The following MAP3K4 variants were observed in gnomAD, a reference collection of about 807,000 sequenced individuals.
MAP3K4 encodes mitogen-activated protein kinase kinase kinase 4.
In MAP3K4, 67 loss-of-function variants were observed where a neutral mutation model predicts 185.6. That is an observed-to-expected ratio of 0.36 (90% CI 0.30 to 0.44). The LOEUF (loss-of-function observed/expected upper bound fraction) is 0.44. Ranked by LOEUF, MAP3K4 falls within the 20% of genes least tolerant of loss-of-function variation. The probability of loss-of-function intolerance (pLI) is 1.00; values close to 1 mark genes in which losing one functional copy is unlikely to be tolerated. For synonymous variants in MAP3K4, 702 were observed against 710.4 expected, an observed-to-expected ratio of 0.99 and a Z score of 0.19; for missense variants, 1,551 against 1,995.1, an observed-to-expected ratio of 0.78 and a Z score of 4.24.
Position 161,116,051 on chromosome 6 carries a change from CA to C in MAP3K4, c.4806+750del, listed in dbSNP as rs749926820. 9.2e-4 allele frequency among the ~76,000 whole-genome samples: 140 copies of C among 152,226 alleles called. No homozygotes were observed. Among genetic ancestry groups the C allele is most frequent in the Non-Finnish European group, 9.1e-4 (62 of 68,014 alleles). ...GGAGAGGGCGTTCCGGGTGAGTGAA[CA>C]GCGGCATTTAAGAGTTAGAGTGCCG... On this transcript the variant is annotated intron_variant, in intron 26 of 26. Transcript: ENST00000392142. The surrounding 1 kb of genome is among the most constrained non-coding windows in gnomAD (Gnocchi z 6.2).
rs2114854993 is a variant in MAP3K4 at position 161,086,786 on chromosome 6, C to T, written c.2556+119C>T. ...ATTACAGGCTCTGAAGGCTGTACCA[C>T]AACCCCAGTTGTAAGACTGTCCTGT... is the stretch of plus-strand genomic sequence containing the variant. On this transcript the variant is annotated intron_variant, in intron 9 of 26. Transcript: ENST00000392142. The surrounding 1 kb of genome is among the most constrained non-coding windows in gnomAD (Gnocchi z 4.8). 1.4e-6 allele frequency: 1 copy of T among 706,338 alleles called. No homozygotes were observed. Among genetic ancestry groups the T allele is most frequent in the Admixed American group, 2.9e-5 (1 of 33,996 alleles). The allele number at this position is 706,338 out of a possible 1,614,324, so 43.8% of individuals were successfully genotyped here.
rs1249680820 is a variant in MAP3K4, at chr6:161,002,100, T to G, written c.152+10017T>G. On this transcript the variant is annotated intron_variant, in intron 1 of 26. Coordinates refer to ENST00000392142, the MANE Select transcript of MAP3K4 (RefSeq NM_005922.4). ...TCTAGCTTTTCCAGATTCTCTCTCT[T>G]ACTTTAGTTGTGGTTTATTCTGCAT... Among the ~76,000 whole-genome samples, 5 of 151,038 alleles carry G rather than the reference T, an allele frequency of 3.3e-5. No individual in the cohort carries two copies. In the South Asian group the frequency reaches 6.3e-4, roughly 19 times the overall value.
rs1288581506 is a variant in MAP3K4 at position 161,063,351 on chromosome 6, A to G, written c.1708-7257A>G. 3.9e-5 allele frequency among the ~76,000 whole-genome samples: 6 copies of G among 152,088 alleles called. No homozygotes were observed. Among genetic ancestry groups the G allele is most frequent in the Non-Finnish European group, 8.8e-5 (6 of 68,026 alleles). ...GCAAGCGCTCACTGTCTGGAGGGTTATTCTCCTTTTTCTCTCTCTGCTTAT... is the reference window on the plus strand; with the variant it reads ...GCAAGCGCTCACTGTCTGGAGGGTTGTTCTCCTTTTTCTCTCTCTGCTTAT... On this transcript the variant is annotated intron_variant, in intron 3 of 26. Transcript: ENST00000392142. The surrounding 1 kb of genome is among the most constrained non-coding windows in gnomAD (Gnocchi z 5.4).
At chr6:161,015,920 G>A (rs1782083438) in intron 1 of MAP3K4, among the ~76,000 whole-genome samples, 1 of 152,100 alleles carries the variant, frequency 6.6e-6, no homozygotes, top group African/African-American at 2.4e-5. Flanking sequence ...ATAGCAGTGG[G>A]AGTACTACAT....
intron 1 of MAP3K4, among the ~76,000 whole-genome samples, chr6:161,013,833 G>A (rs1781961322): frequency 6.6e-6 from 1 of 152,208 alleles, no homozygotes; most frequent in South Asian, 2.1e-4. Context: ...GGTAGTAACT[G>A]CTGGGTCATT....
At position 161,106,420 on chromosome 6, in the gene MAP3K4, C is replaced by A; in HGVS notation, c.3857-94C>A. The A allele has an allele frequency of 1.2e-6, 1 of 822,932 alleles. No homozygotes were observed. The highest frequency in any genetic ancestry group is 1.9e-6 in the Non-Finnish European group (1 of 523,974). 51.0% of individuals were successfully genotyped at this position (822,932 alleles called of 1,614,324 possible). On this transcript the variant is annotated intron_variant, in intron 19 of 26. Coordinates refer to ENST00000392142, the MANE Select transcript of MAP3K4 (RefSeq NM_005922.4). This position sits in a 1 kb window ranked among gnomAD's most constrained non-coding sequence, Gnocchi z 4.9. ...TAATAAGCTTTGCTGTAATGGAGTG[C>A]TAATATATATTGCTCTATTTTTATT...
chr6:161,012,166 C>T (rs976388445), intron 1 of MAP3K4, among the ~76,000 whole-genome samples: 4 of 152,164 alleles, frequency 2.6e-5, no homozygotes, highest in African/African-American at 7.2e-5. Flanking sequence ...GAAATCCAGG[C>T]CCAATAGTCC....
chr6:161,069,308 T>C (rs1049130814), intron 3 of MAP3K4, among the ~76,000 whole-genome samples: 1 of 152,208 alleles, frequency 6.6e-6, no homozygotes, highest in African/African-American at 2.4e-5. Context: ...TTTAGTGGCA[T>C]GCTGTTGGGG....
intron 6 of MAP3K4, among the ~76,000 whole-genome samples, chr6:161,083,507 C>T (rs182592232): frequency 9.2e-5 from 14 of 152,326 alleles, no homozygotes; most frequent in African/African-American, 1.7e-4. Context: ...GCTTATCAAA[C>T]GCCAAACTAA....
chr6:161,021,082 TA>T (rs1278385343), intron 1 of MAP3K4, among the ~76,000 whole-genome samples: 1 of 152,374 alleles, frequency 6.6e-6, no homozygotes, highest in Non-Finnish European at 1.5e-5. Context: ...AAGAAAGTTA[TA>T]GTTTTCATGA....
chr6:161,014,117 T>C (rs111453715), intron 1 of MAP3K4, among the ~76,000 whole-genome samples: 25 of 152,364 alleles, frequency 1.6e-4, no homozygotes, highest in African/African-American at 5.8e-4. Context: ...GTCATTAACA[T>C]GACTTTTGTA....
chr6:161,097,259 G>T lies in MAP3K4; in HGVS notation c.3524+83G>T. ...ATACTTTTGAAACTACTAGATGCTT[G>T]CTCTGAGAGCTAAATACCTTTTCTG... On this transcript the variant is annotated intron_variant, in intron 16 of 26. Transcript: ENST00000392142. The surrounding 1 kb of genome is among the most constrained non-coding windows in gnomAD (Gnocchi z 4.9). 1 of 1,112,192 alleles carries T rather than the reference G, an allele frequency of 9.0e-7. No individual in the cohort carries two copies. The highest frequency in any genetic ancestry group is 1.4e-6 in the Non-Finnish European group (1 of 737,900). The allele number at this position is 1,112,192 out of a possible 1,614,324, so 68.9% of individuals were successfully genotyped here.
chr6:161,037,939 C>A lies in MAP3K4; in HGVS notation c.343+3490C>A, dbSNP rs1044119213. ...TTCCTTGTATGTCTTCCTAGTCCTT[C>A]GCTTTATCTCACTACATAATGCTGC... On this transcript the variant is annotated intron_variant, in intron 2 of 26. Coordinates refer to ENST00000392142, the MANE Select transcript of MAP3K4 (RefSeq NM_005922.4). The surrounding 1 kb of genome is among the most constrained non-coding windows in gnomAD (Gnocchi z 4.2). Among the ~76,000 whole-genome samples the A allele has an allele frequency of 6.6e-6, 1 of 152,144 alleles. No individual in the cohort carries two copies. The highest frequency in any genetic ancestry group is 2.4e-5 in the African/African-American group (1 of 41,424).
rs1277312428 is a variant in MAP3K4 at position 161,075,712 on chromosome 6, A to G, written c.2097+2100A>G. 6.6e-6 allele frequency among the ~76,000 whole-genome samples: 1 copy of G among 152,194 alleles called. No homozygotes were observed. The highest frequency in any genetic ancestry group is 2.4e-5 in the African/African-American group (1 of 41,442). On this transcript the variant is annotated intron_variant, in intron 5 of 26. Coordinates refer to ENST00000392142, the MANE Select transcript of MAP3K4 (RefSeq NM_005922.4). The surrounding 1 kb of genome is among the most constrained non-coding windows in gnomAD (Gnocchi z 4.3). ...TGTGCCATTGGTGAGCCTGTGTGATAGTGGAAGTCTAGGCTAAGTGACTTA... is the reference window on the plus strand; with the variant it reads ...TGTGCCATTGGTGAGCCTGTGTGATGGTGGAAGTCTAGGCTAAGTGACTTA...
At position 161,116,778 on chromosome 6, in the gene MAP3K4, A is replaced by C. The variant is rs1778605088; in HGVS notation, c.4807-72A>C. The C allele has an allele frequency of 7.3e-7, 1 of 1,371,062 alleles. No homozygotes were observed. Among genetic ancestry groups the C allele is most frequent in the African/African-American group, 1.4e-5 (1 of 70,108 alleles). 84.9% of individuals were successfully genotyped at this position (1,371,062 alleles called of 1,614,324 possible). A position where few individuals can be genotyped will look rare whatever the true frequency, so the allele number is the denominator to read the frequency against. On this transcript the variant is annotated intron_variant, in intron 26 of 26. Coordinates refer to ENST00000392142, the MANE Select transcript of MAP3K4 (RefSeq NM_005922.4). The surrounding 1 kb of genome is among the most constrained non-coding windows in gnomAD (Gnocchi z 6.2). ...GAGTGGATGGGGCCTTCCCCGTAAG[A>C]CTCATACTGCGCGTATGCACAAGCA... is the stretch of plus-strand genomic sequence containing the variant.
At chr6:161,058,655 A>T (rs1230905891) in intron 3 of MAP3K4, among the ~76,000 whole-genome samples, 1 of 152,122 alleles carries the variant, frequency 6.6e-6, no homozygotes, top group Non-Finnish European at 1.5e-5. Flanking sequence ...TTTGTTATGT[A>T]ACACATGTAA....
rs916281705 is a variant in MAP3K4 at position 161,106,417 on chromosome 6, G to T, written c.3857-97G>T. 6 of 799,072 alleles carry T rather than the reference G, an allele frequency of 7.5e-6. No homozygotes were observed. In the South Asian group the frequency reaches 1.2e-4, roughly 16 times the overall value. The allele number at this position is 799,072 out of a possible 1,614,324, so 49.5% of individuals were successfully genotyped here. A position where few individuals can be genotyped will look rare whatever the true frequency, so the allele number is the denominator to read the frequency against. On this transcript the variant is annotated intron_variant, in intron 19 of 26. Transcript: ENST00000392142. This position sits in a 1 kb window ranked among gnomAD's most constrained non-coding sequence, Gnocchi z 4.9. ...AGATAATAAGCTTTGCTGTAATGGA[G>T]TGCTAATATATATTGCTCTATTTTT...
At chr6:161,000,832 C>T (rs975845879) in intron 1 of MAP3K4, among the ~76,000 whole-genome samples, 6 of 144,254 alleles carry the variant, frequency 4.2e-5, no homozygotes, top group South Asian at 2.1e-4. Context: ...TGTATGCACA[C>T]ATACACATGT....
chr6:161,028,415 T>TA (rs971658956), intron 1 of MAP3K4, among the ~76,000 whole-genome samples: 24 of 152,210 alleles, frequency 1.6e-4, no homozygotes, highest in African/African-American at 5.8e-4. Context: ...TTGTAGCCTT[T>TA]AAAAAATATA....
Sources: allele counts gnomAD v4.1 joint callset (sites outside exome capture counted in the v4.1 genomes callset), GRCh38; gene constraint gnomAD v4.1.1; non-coding constraint Gnocchi (gnomAD v3.1); transcripts MANE v1.5; gene names NCBI Gene and HGNC (gene_info 2026-07-23, HGNC 2026-07-21).